HROB: variants seen among roughly 807,000 people sequenced by gnomAD.
HROB encodes the protein homologous recombination factor with OB-fold, also known as homologous recombination OB-fold protein.
HROB carries 44 observed loss-of-function variants against 61.0 expected under a neutral mutation model. The ratio of observed to expected loss-of-function variants is 0.72; its 90% CI spans 0.57 to 0.93. The LOEUF (loss-of-function observed/expected upper bound fraction) is 0.93, where lower values mean the gene tolerates loss of function less well. Among genes scored for constraint, HROB ranks in the 40% least tolerant of loss-of-function variants. The pLI, the probability that HROB is intolerant of heterozygous loss-of-function variation, is 0.00. For missense variants in HROB, 716 were observed against 796.2 expected (o/e 0.90, Z 1.21); for synonymous variants, 301 against 310.4 (o/e 0.97, Z 0.32).
chr17:44,150,711 C>A (rs1337660180), intron 3 of HROB, among the ~76,000 whole-genome samples: 1 of 152,216 alleles, frequency 6.6e-6, no homozygotes. Flanking sequence ...ATTTGGGTCA[C>A]TGCCCCCTTC....
rs1417302262 is a variant in HROB, at chr17:44,145,196, T to C, written c.4-7T>C. 1.2e-6 allele frequency: 2 copies of C among 1,613,880 alleles called. No homozygotes were observed. Among genetic ancestry groups the C allele is most frequent in the Non-Finnish European group, 1.7e-6 (2 of 1,179,766 alleles). On this transcript the variant is annotated splice_polypyrimidine_tract_variant and splice_region_variant and intron_variant, in intron 1 of 9. Coordinates refer to ENST00000585683, the MANE Select transcript of HROB (RefSeq NM_001171251.3). Reference sequence around the variant, plus strand: ...TCTCAACCCCAGTTGGTTTTTTTTCTTTTCAGGCGTGCAGTTTGCAGAAGC... The same window carrying C: ...TCTCAACCCCAGTTGGTTTTTTTTCCTTTCAGGCGTGCAGTTTGCAGAAGC...
intron 3 of HROB, among the ~76,000 whole-genome samples, chr17:44,149,265 T>C (rs2053724341): frequency 1.3e-5 from 2 of 152,060 alleles, no homozygotes; most frequent in Admixed American, 6.6e-5. Context: ...TTTTTTTTTT[T>C]TGAGATGGAG....
intron 9 of HROB, among the ~76,000 whole-genome samples, chr17:44,160,954 G>C (rs1290559960): frequency 6.6e-6 from 1 of 152,160 alleles, no homozygotes; most frequent in African/African-American, 2.4e-5. Flanking sequence ...TCTAATCCCA[G>C]CACTTTGGGA....
rs2053578657 is a variant in HROB at position 44,145,265 on chromosome 17, TTGA to T, written c.54+17_54+19del. On this transcript the variant is annotated intron_variant, in intron 2 of 9. Coordinates refer to ENST00000585683, the MANE Select transcript of HROB (RefSeq NM_001171251.3). ...AGTTTGAAGATGAGGTAGGGAAGTG[TTGA>T]TGATCAGAGGTGGCAGACGAGGTCT... 8 of 1,613,416 alleles carry T rather than the reference TTGA, an allele frequency of 5.0e-6. No homozygotes were observed. The highest frequency in any genetic ancestry group is 1.6e-4 in the Middle Eastern group (1 of 6,076).
chr17:44,160,282 A>G (rs545158940), intron 9 of HROB, among the ~76,000 whole-genome samples: 1 of 152,138 alleles, frequency 6.6e-6, no homozygotes, highest in Non-Finnish European at 1.5e-5. Context: ...TAATATTCAT[A>G]TATAGCTGGG....
intron 4 of HROB, among the ~76,000 whole-genome samples, 187 bp downstream of exon 4, chr17:44,151,231 C>T (rs1198370790): frequency 1.3e-5 from 2 of 152,192 alleles, no homozygotes; most frequent in Non-Finnish European, 2.9e-5. Flanking sequence ...GAGGCCTGTC[C>T]TGGTGCCAGG....
Position 44,142,073 on chromosome 17 carries a change from A to G in HROB, c.-70A>G. On this transcript the variant is annotated 5_prime_UTR_variant, in exon 1 of 10. Coordinates refer to ENST00000585683, the MANE Select transcript of HROB (RefSeq NM_001171251.3). ...CGAGACTTCCACCTGGGTCGTGTCC[A>G]AGGCCCCGGCGACTCCCCGGACTCG... 1 of 1,526,770 alleles carries G rather than the reference A, an allele frequency of 6.5e-7. No individual in the cohort carries two copies. Among genetic ancestry groups the G allele is most frequent in the Non-Finnish European group, 8.8e-7 (1 of 1,140,530 alleles). The allele number at this position is 1,526,770 out of a possible 1,614,324, so 94.6% of individuals were successfully genotyped here.
intron 2 of HROB, among the ~76,000 whole-genome samples, chr17:44,147,146 G>C (rs1019494138): frequency 3.9e-5 from 6 of 151,976 alleles, no homozygotes; most frequent in African/African-American, 1.4e-4. Flanking sequence ...TCCCTGTTTA[G>C]ATAACAGGCC....
chr17:44,152,624 T>C lies in HROB; in HGVS notation c.1309-13T>C. On this transcript the variant is annotated splice_polypyrimidine_tract_variant and intron_variant, in intron 4 of 9. Coordinates refer to ENST00000585683, the MANE Select transcript of HROB (RefSeq NM_001171251.3). The stretch of plus-strand genomic sequence containing the variant: ...CTATTCATACAGGCTCCCCCTCTGC[T>C]CTGTGGTACCAGATTGTTGCTAGTT... 6.2e-7 allele frequency: 1 copy of C among 1,613,694 alleles called. No individual in the cohort carries two copies. The highest frequency in any genetic ancestry group is 8.5e-7 in the Non-Finnish European group (1 of 1,179,726).
intron 9 of HROB, among the ~76,000 whole-genome samples, 166 bp downstream of exon 9, chr17:44,158,107 A>G (rs1209228857): frequency 6.6e-6 from 1 of 152,258 alleles, no homozygotes; most frequent in Non-Finnish European, 1.5e-5. Flanking sequence ...GCTGCAGGCC[A>G]CAAACTCGTT....
chr17:44,150,059 C>A (rs2053751821), intron 3 of HROB, among the ~76,000 whole-genome samples: 1 of 152,200 alleles, frequency 6.6e-6, no homozygotes, highest in African/African-American at 2.4e-5. Context: ...CTCAGATCCA[C>A]AGAACAGTTC....
At position 44,154,654 on chromosome 17, in the gene HROB, G is replaced by A. The variant is rs1201470582; in HGVS notation, c.1548G>A (p.Lys516=). 1.2e-6 allele frequency: 2 copies of A among 1,614,118 alleles called. No individual in the cohort carries two copies. The highest frequency in any genetic ancestry group is 1.7e-6 in the Non-Finnish European group (2 of 1,179,986). Residue 516 remains lysine (K), a synonymous_variant, in exon 6 of 10, where the codon AAG becomes AAA. Transcript: ENST00000585683. The part of the protein sequence containing the change: ...RSTMDASVVF[K]DPTGEMQGTV... The stretch of plus-strand genomic sequence containing the variant: ...CAATGGACGCCAGTGTGGTTTTCAA[G>A]GACCCCACGGGTAAGGAATTAGGTC...
chr17:44,155,076 G>A, intron 7 of HROB, 138 bp downstream of exon 7: 1 of 1,294,946 alleles, frequency 7.7e-7, no homozygotes, highest in Non-Finnish European at 1.1e-6. Context: ...CTTGAGCTCA[G>A]GGAAGGCCTG....
At chr17:44,144,993 G>A (rs548018701) in intron 1 of HROB, among the ~76,000 whole-genome samples, 2 of 152,278 alleles carry the variant, frequency 1.3e-5, no homozygotes, top group South Asian at 4.1e-4. Flanking sequence ...TGGGATTACA[G>A]GCATGAGTCA....
At chr17:44,151,165 T>C in intron 4 of HROB, 121 bp downstream of exon 4, 1 of 1,057,086 alleles carries the variant, frequency 9.5e-7, no homozygotes, top group Non-Finnish European at 1.4e-6. Flanking sequence ...TGTCACACAC[T>C]AAAAGGCATT....
At chr17:44,155,556 C>T in intron 8 of HROB, 145 bp downstream of exon 8, 4 of 1,272,820 alleles carry the variant, frequency 3.1e-6, no homozygotes, top group Non-Finnish European at 4.2e-6. Flanking sequence ...GGGGACAGGA[C>T]CATCTCCTAT....
rs565167122 is a variant in HROB, at chr17:44,145,723, T to G, written c.54+470T>G. Reference sequence around the variant, plus strand: ...GATGCTCTTCTGCCTCAGATGTTCTTCCCTTCCCTCTGTCTAATCACAAGA... The same window carrying G: ...GATGCTCTTCTGCCTCAGATGTTCTGCCCTTCCCTCTGTCTAATCACAAGA... On this transcript the variant is annotated intron_variant, in intron 2 of 9. Coordinates refer to ENST00000585683, the MANE Select transcript of HROB (RefSeq NM_001171251.3). Among the ~76,000 whole-genome samples, 9 of 152,316 alleles carry G rather than the reference T, an allele frequency of 5.9e-5. No homozygotes were observed. The South Asian group carries it at 1.9e-3, about 32-fold the overall frequency.
chr17:44,144,759 T>C (rs78203118), intron 1 of HROB, among the ~76,000 whole-genome samples: 1 of 127,544 alleles, frequency 7.8e-6, no homozygotes, highest in Non-Finnish European at 1.6e-5. Flanking sequence ...TTTTTTTTTT[T>C]GATACAGACT....
intron 2 of HROB, among the ~76,000 whole-genome samples, chr17:44,146,433 T>G (rs1165186805): frequency 2.0e-5 from 3 of 152,218 alleles, no homozygotes; most frequent in Non-Finnish European, 2.9e-5. Context: ...GCTTTGGAGA[T>G]ATGTGATTAC....
Sources: allele counts gnomAD v4.1 joint callset (sites outside exome capture counted in the v4.1 genomes callset), GRCh38; gene constraint gnomAD v4.1.1; transcripts MANE v1.5; gene names NCBI Gene and HGNC (gene_info 2026-07-23, HGNC 2026-07-21).